The following HHAT variants were observed in gnomAD, a reference collection of about 807,000 sequenced individuals.
HHAT encodes the protein hedgehog acyltransferase.
In HHAT, 47 loss-of-function variants were observed where a neutral mutation model predicts 70.8. The ratio of observed to expected loss-of-function variants is 0.66; its 90% CI spans 0.53 to 0.85. The LOEUF is 0.85. Ranked by LOEUF, HHAT falls within the 40% of genes least tolerant of loss-of-function variation. The pLI, the probability that HHAT is intolerant of heterozygous loss-of-function variation, is 0.00. For synonymous variants in HHAT, 228 were observed against 247.6 expected, an observed-to-expected ratio of 0.92 and a Z score of 0.74; for missense variants, 609 against 604.8, an observed-to-expected ratio of 1.01 and a Z score of -0.07.
chr1:210,654,826 G>T (rs778751050), intron 11 of HHAT, among the ~76,000 whole-genome samples: 13 of 152,222 alleles, frequency 8.5e-5, no homozygotes, highest in Non-Finnish European at 1.5e-4. Flanking sequence ...CCTCCCAAGG[G>T]TGATGTCAGA....
At chr1:210,647,001 G>T (rs1393952726) in intron 11 of HHAT, among the ~76,000 whole-genome samples, 1 of 152,172 alleles carries the variant, frequency 6.6e-6, no homozygotes, top group Non-Finnish European at 1.5e-5. Context: ...TCTTCCCACT[G>T]TATTAGCCTC....
At chr1:210,536,672 A>G (rs372829001) in intron 9 of HHAT, among the ~76,000 whole-genome samples, 2 of 152,352 alleles carry the variant, frequency 1.3e-5, no homozygotes, top group African/African-American at 4.8e-5. Flanking sequence ...ATAGGGTGCT[A>G]ATACAGGTGA....
At chr1:210,529,008 G>A (rs1048842532) in intron 9 of HHAT, among the ~76,000 whole-genome samples, 2 of 152,122 alleles carry the variant, frequency 1.3e-5, no homozygotes, top group African/African-American at 2.4e-5. Flanking sequence ...AATGGGTGCC[G>A]GGTGTGGTGG....
At chr1:210,388,866 T>C (rs2148148272) in intron 4 of HHAT, among the ~76,000 whole-genome samples, 1 of 152,336 alleles carries the variant, frequency 6.6e-6, no homozygotes, top group African/African-American at 2.4e-5. Flanking sequence ...TTTTCCCGTA[T>C]GTAAAATAAA....
intron 9 of HHAT, among the ~76,000 whole-genome samples, chr1:210,556,950 C>T (rs968625404): frequency 4.6e-5 from 7 of 152,128 alleles, no homozygotes; most frequent in Non-Finnish European, 8.8e-5. Context: ...TGAAGGACAG[C>T]GTAGGATTGT....
intron 11 of HHAT, 104 bp from the exon 12 acceptor site, chr1:210,674,184 T>C (rs1680757628): frequency 5.6e-6 from 5 of 885,798 alleles, no homozygotes; most frequent in East Asian, 2.4e-5. Flanking sequence ...GAGGCCTTTG[T>C]TGTTTGTCAG....
At chr1:210,667,275 G>A (rs548611020) in intron 11 of HHAT, among the ~76,000 whole-genome samples, 24 of 151,850 alleles carry the variant, frequency 1.6e-4, no homozygotes, top group African/African-American at 5.3e-4. Flanking sequence ...GCAGCTACTC[G>A]GGAGGCTGAG....
chr1:210,566,474 C>T (rs951873975), intron 9 of HHAT, among the ~76,000 whole-genome samples: 2 of 152,012 alleles, frequency 1.3e-5, no homozygotes, highest in African/African-American at 4.8e-5. Flanking sequence ...AAGTTGCCTT[C>T]GCAACCATCG....
At chr1:210,392,605 A>T (rs1268384748) in intron 4 of HHAT, among the ~76,000 whole-genome samples, 1 of 152,182 alleles carries the variant, frequency 6.6e-6, no homozygotes, top group Non-Finnish European at 1.5e-5. Context: ...CTAATCTTCT[A>T]CAAATGTTAA....
intron 7 of HHAT, among the ~76,000 whole-genome samples, chr1:210,425,666 T>C (rs1044154745): frequency 6.6e-6 from 1 of 152,120 alleles, no homozygotes; most frequent in African/African-American, 2.4e-5. Context: ...TGTGGCCTTA[T>C]TTCTGGGTTC....
intron 9 of HHAT, among the ~76,000 whole-genome samples, chr1:210,550,042 A>G (rs2095515599): frequency 6.7e-6 from 1 of 148,912 alleles, no homozygotes; most frequent in Non-Finnish European, 1.5e-5. Flanking sequence ...CACTGTGCCG[A>G]TTTTCAACTG....
chr1:210,562,856 C>T (rs562734906), intron 9 of HHAT, among the ~76,000 whole-genome samples: 37 of 133,310 alleles, frequency 2.8e-4, no homozygotes, highest in Non-Finnish European at 2.3e-4. Context: ...CTTCCTGTGT[C>T]CATGTGTTCT....
intron 10 of HHAT, among the ~76,000 whole-genome samples, chr1:210,615,555 C>T (rs943920467): frequency 6.6e-6 from 1 of 152,182 alleles, no homozygotes; most frequent in Non-Finnish European, 1.5e-5. Flanking sequence ...GTTTTTTCCC[C>T]ATCTTTGTGG....
At chr1:210,617,224 G>C (rs1007749376) in intron 10 of HHAT, among the ~76,000 whole-genome samples, 2 of 152,216 alleles carry the variant, frequency 1.3e-5, no homozygotes, top group African/African-American at 4.8e-5. Context: ...TATGTTTGGG[G>C]AACACTGAAG....
intron 8 of HHAT, among the ~76,000 whole-genome samples, chr1:210,481,898 G>A (rs1455897040): frequency 6.6e-6 from 1 of 152,166 alleles, no homozygotes; most frequent in East Asian, 1.9e-4. Flanking sequence ...AAGTGTCCCA[G>A]GAAGAAGGTG....
chr1:210,351,775 A>T (rs532411956), intron 2 of HHAT, among the ~76,000 whole-genome samples: 1 of 152,226 alleles, frequency 6.6e-6, no homozygotes, highest in South Asian at 2.1e-4. Context: ...TACATTTCTT[A>T]CATTTATTAC....
chr1:210,476,503 G>A (rs2094308875), intron 8 of HHAT, among the ~76,000 whole-genome samples: 3 of 152,090 alleles, frequency 2.0e-5, no homozygotes, highest in African/African-American at 4.8e-5. Flanking sequence ...CACCTTACTG[G>A]CAATAGTGCA....
chr1:210,577,374 G>A (rs1465595265), intron 9 of HHAT, among the ~76,000 whole-genome samples: 1 of 152,116 alleles, frequency 6.6e-6, no homozygotes, highest in Non-Finnish European at 1.5e-5. Context: ...TGTGTTGGGA[G>A]TTTTTATCAT....
intron 11 of HHAT, among the ~76,000 whole-genome samples, chr1:210,637,719 G>A (rs1318901015): frequency 2.0e-5 from 3 of 152,098 alleles, no homozygotes; most frequent in Admixed American, 6.6e-5. Flanking sequence ...AATTAGCTGA[G>A]CATGGGGGCA....
Sources: gnomAD v4.1 joint callset for allele counts (sites outside exome capture counted in the v4.1 genomes callset) on GRCh38, gnomAD v4.1.1 for gene constraint, MANE v1.5 for transcripts, NCBI Gene and HGNC (gene_info 2026-07-23, HGNC 2026-07-21) for gene names.